The following DCAF1 variants were observed in gnomAD, a reference collection of about 807,000 sequenced individuals.
DCAF1 encodes DDB1- and CUL4-associated factor 1.
In DCAF1, 15 loss-of-function variants were observed where a neutral mutation model predicts 128.0. The observed-to-expected ratio is 0.12, with a 90% CI of 0.08 to 0.18. The LOEUF (loss-of-function observed/expected upper bound fraction) is 0.18, where lower values mean the gene tolerates loss of function less well. DCAF1 is among the 10% of genes least tolerant of loss of function. The pLI, the probability that DCAF1 is intolerant of heterozygous loss-of-function variation, is 1.00. For synonymous variants in DCAF1, 610 were observed against 603.0 expected, an observed-to-expected ratio of 1.01 and a Z score of -0.17; for missense variants, 988 against 1,649.5, an observed-to-expected ratio of 0.60 and a Z score of 6.95.
chr3:51,399,322 C>A (rs1218505701), intron 24 of DCAF1, among the ~76,000 whole-genome samples: 1 of 152,200 alleles, frequency 6.6e-6, no homozygotes. Flanking sequence ...CCCTTCAATC[C>A]TCAGAAGACC....
At chr3:51,455,828 C>T (rs764921299) in intron 6 of DCAF1, among the ~76,000 whole-genome samples, 33 of 151,456 alleles carry the variant, frequency 2.2e-4, no homozygotes, top group Admixed American at 1.5e-3. Context: ...ACCTGGGAGG[C>T]GGAAGTTGCA....
chr3:51,417,370 G>A (rs565491295), intron 17 of DCAF1, among the ~76,000 whole-genome samples: 1 of 152,234 alleles, frequency 6.6e-6, no homozygotes, highest in African/African-American at 2.4e-5. Flanking sequence ...AGTAGGTCAT[G>A]TTTGTGCCAC....
At chr3:51,436,707 A>G (rs1207185721) in intron 9 of DCAF1, among the ~76,000 whole-genome samples, 2 of 152,214 alleles carry the variant, frequency 1.3e-5, no homozygotes, top group African/African-American at 2.4e-5. Context: ...AGAAGCACCA[A>G]GAGGACAAAA....
chr3:51,467,960 G>A (rs1365642349), intron 4 of DCAF1, among the ~76,000 whole-genome samples: 1 of 152,118 alleles, frequency 6.6e-6, no homozygotes, highest in African/African-American at 2.4e-5. Flanking sequence ...AATGACAACA[G>A]CAACAGAGAT....
At chr3:51,426,290 AC>A (rs1329828637) in intron 13 of DCAF1, among the ~76,000 whole-genome samples, 1 of 151,794 alleles carries the variant, frequency 6.6e-6, no homozygotes, top group Non-Finnish European at 1.5e-5. Flanking sequence ...GCTCCCTGCA[AC>A]CTCTGCCTCC....
chr3:51,398,894 C>A (rs2089428952), intron 24 of DCAF1, 67 bp from the exon 25 acceptor site: 5 of 1,533,356 alleles, frequency 3.3e-6, no homozygotes, highest in Non-Finnish European at 4.4e-6. Flanking sequence ...CCTACAGAAG[C>A]ACCTGCACTC....
intron 10 of DCAF1, among the ~76,000 whole-genome samples, chr3:51,432,054 C>A (rs1700436561): frequency 6.6e-6 from 1 of 151,440 alleles, no homozygotes; most frequent in Admixed American, 6.6e-5. Flanking sequence ...GCGGGAATCA[C>A]AAAGTCAGGA....
chr3:51,493,036 G>A (rs1254145280), intron 2 of DCAF1, among the ~76,000 whole-genome samples: 1 of 151,132 alleles, frequency 6.6e-6, no homozygotes, highest in Non-Finnish European at 1.5e-5. Flanking sequence ...AAAGGGTATA[G>A]TAGTTATAAA....
At chr3:51,413,463 G>A in intron 20 of DCAF1, 77 bp from the exon 21 acceptor site, 1 of 1,532,712 alleles carries the variant, frequency 6.5e-7, no homozygotes, top group South Asian at 1.2e-5. Context: ...AAATGTTAAT[G>A]GCCAATCAAA....
At chr3:51,479,401 G>A (rs563193364) in intron 3 of DCAF1, among the ~76,000 whole-genome samples, 1 of 152,232 alleles carries the variant, frequency 6.6e-6, no homozygotes, top group Admixed American at 6.5e-5. Flanking sequence ...TACTCCAGAA[G>A]CTGAGGTGGG....
At chr3:51,425,711 C>T (rs1245940231) in intron 13 of DCAF1, among the ~76,000 whole-genome samples, 1 of 151,158 alleles carries the variant, frequency 6.6e-6, no homozygotes, top group East Asian at 2.0e-4. Context: ...TACAGACATG[C>T]GGCAACACAC....
chr3:51,500,335 G>A (rs1208909553), upstream of DCAF1, among the ~76,000 whole-genome samples: 3 of 152,074 alleles, frequency 2.0e-5, no homozygotes, highest in East Asian at 3.9e-4. Flanking sequence ...AAAAGTGAGG[G>A]AGCCAATCCT....
chr3:51,408,680 A>T (rs1357663177), intron 23 of DCAF1, among the ~76,000 whole-genome samples: 1 of 152,220 alleles, frequency 6.6e-6, no homozygotes, highest in Non-Finnish European at 1.5e-5. Flanking sequence ...AGGAGCATGG[A>T]TCAACAGAAT....
At chr3:51,403,521 G>A in intron 23 of DCAF1, 126 bp from the exon 24 acceptor site, 2 of 1,444,786 alleles carry the variant, frequency 1.4e-6, no homozygotes, top group Non-Finnish European at 1.8e-6. Flanking sequence ...ATCTAGACGA[G>A]CACAGACTTC....
chr3:51,422,183 A>G (rs1469747539), intron 14 of DCAF1, 124 bp downstream of exon 14: 1 of 632,630 alleles, frequency 1.6e-6, no homozygotes, highest in Non-Finnish European at 2.9e-6. Flanking sequence ...ACAGACAAGG[A>G]GCCCCCCTCT....
chr3:51,399,970 A>G lies in DCAF1; in HGVS notation c.4466-1143T>C, dbSNP rs536696627. Among the ~76,000 whole-genome samples, 8 of 152,286 alleles carry G rather than the reference A, an allele frequency of 5.3e-5. 1 individual carries two copies. Among genetic ancestry groups the G allele is most frequent in the African/African-American group, 1.9e-4 (8 of 41,542 alleles). On this transcript the variant is annotated intron_variant, in intron 24 of 24. Transcript: ENST00000684031. ...AAACAGAGAGCAATCATGTTCCCAA[A>G]CCTTCCTTCATTCATTATCCCCAAA...
At chr3:51,452,050 C>A (rs1553641637) in intron 6 of DCAF1, among the ~76,000 whole-genome samples, 1 of 151,854 alleles carries the variant, frequency 6.6e-6, no homozygotes, top group Non-Finnish European at 1.5e-5. Context: ...AGCAATAAGT[C>A]TTTTTCTTTT....
At chr3:51,497,495 G>A (rs1708356318) in intron 1 of DCAF1, among the ~76,000 whole-genome samples, 1 of 152,064 alleles carries the variant, frequency 6.6e-6, no homozygotes, top group Admixed American at 6.6e-5. Context: ...GCTGAGGCAG[G>A]AGAATCGCTT....
At chr3:51,492,917 C>G (rs1559584500) in intron 2 of DCAF1, among the ~76,000 whole-genome samples, 1 of 151,708 alleles carries the variant, frequency 6.6e-6, no homozygotes, top group South Asian at 2.1e-4. Context: ...TGGCGTGAAC[C>G]CGGGAGGTGG....
Sources: allele counts gnomAD v4.1 joint callset (sites outside exome capture counted in the v4.1 genomes callset), GRCh38; gene constraint gnomAD v4.1.1; transcripts MANE v1.5; gene names NCBI Gene and HGNC (gene_info 2026-07-23, HGNC 2026-07-21).